CRB1: variants seen among roughly 807,000 people sequenced by gnomAD.
The protein encoded by CRB1 is crumbs cell polarity complex component 1, also known as protein crumbs homolog 1.
CRB1 carries 83 observed loss-of-function variants against 120.0 expected under a neutral mutation model. That is an observed-to-expected ratio of 0.69 (90% CI 0.58 to 0.83). The LOEUF (loss-of-function observed/expected upper bound fraction) is 0.83, where lower values mean the gene tolerates loss of function less well. Among genes scored for constraint, CRB1 ranks in the 40% least tolerant of loss-of-function variants. The pLI, the probability that CRB1 is intolerant of heterozygous loss-of-function variation, is 0.00. For missense variants in CRB1, 1,699 were observed against 1,687.6 expected, an observed-to-expected ratio of 1.01 and a Z score of -0.12; for synonymous variants, 625 against 612.5, an observed-to-expected ratio of 1.02 and a Z score of -0.30.
At chr1:197,298,143 C>CA (rs1656647918) in intron 1 of CRB1, among the ~76,000 whole-genome samples, 1 of 151,898 alleles carries the variant, frequency 6.6e-6, no homozygotes, top group African/African-American at 2.4e-5. Context: ...CTATTTTTAG[C>CA]AAAAATGTGA....
chr1:197,435,263 G>C lies in CRB1; in HGVS notation c.3400G>C (p.Val1134Leu), dbSNP rs1045224692. 3.7e-6 allele frequency: 6 copies of C among 1,613,800 alleles called. No homozygotes were observed. In the African/African-American group the frequency reaches 8.0e-5, roughly 22 times the overall value. The part of the protein sequence containing the change: ...QFLKISTNSV[V>L]TGCLQLNVCN... ...TCTCAAAATCTCTACCAATTCAGTG[G>C]TCACTGGCTGTTTGCAGTTAAATGT... Residue 1134 changes from valine (V) to leucine (L), a missense_variant, in exon 9 of 12, where the codon GTC (valine) becomes CTC (leucine). Transcript: ENST00000367400.
At chr1:197,387,394 G>C (rs1389565286) in intron 5 of CRB1, among the ~76,000 whole-genome samples, 1 of 151,984 alleles carries the variant, frequency 6.6e-6, no homozygotes, top group African/African-American at 2.4e-5. Flanking sequence ...TTGTAGAGAG[G>C]CATGTTTTCC....
chr1:197,370,948 GC>G (rs1285029476), intron 5 of CRB1, among the ~76,000 whole-genome samples: 1 of 152,164 alleles, frequency 6.6e-6, no homozygotes, highest in African/African-American at 2.4e-5. Flanking sequence ...ACACACTTCT[GC>G]CCACTTCTTT....
chr1:197,470,800 C>G (rs182693787), intron 11 of CRB1, among the ~76,000 whole-genome samples: 9 of 152,352 alleles, frequency 5.9e-5, no homozygotes, highest in Admixed American at 5.9e-4. Flanking sequence ...TGGCCCACCA[C>G]TCTACTTCTA....
At chr1:197,408,317 A>G (rs976479125) in intron 5 of CRB1, among the ~76,000 whole-genome samples, 5 of 152,170 alleles carry the variant, frequency 3.3e-5, no homozygotes, top group African/African-American at 1.2e-4. Context: ...GAACTCTGAA[A>G]GAAAGTTGGG....
Position 197,356,777 on chromosome 1 carries a change from C to T in CRB1, c.989-54C>T, listed in dbSNP as rs539902740. The T allele has an allele frequency of 1.7e-5, 26 of 1,574,718 alleles. 1 individual carries two copies. The East Asian group carries it at 2.9e-4, about 18-fold the overall frequency. On this transcript the variant is annotated intron_variant, in intron 4 of 11. Transcript: ENST00000367400. ...CAGTCAACCTCCTTTTAGGCAAATG[C>T]TCTATAATTCAACACCTTTGACTTA... is the stretch of plus-strand genomic sequence containing the variant.
intron 5 of CRB1, among the ~76,000 whole-genome samples, chr1:197,403,730 T>C (rs1353027810): frequency 6.6e-6 from 1 of 152,130 alleles, no homozygotes; most frequent in Non-Finnish European, 1.5e-5. Flanking sequence ...CATCCTAACT[T>C]ACACATAACT....
At chr1:197,268,176 C>T (rs1654704245), upstream of CRB1, 1 of 485,308 alleles carries the variant, frequency 2.1e-6, no homozygotes, top group Admixed American at 3.3e-5. Flanking sequence ...CTGAAAAAAT[C>T]TGCACCAGGT....
chr1:197,354,215 C>T (rs1239348746), intron 4 of CRB1, among the ~76,000 whole-genome samples: 1 of 152,172 alleles, frequency 6.6e-6, no homozygotes, highest in Non-Finnish European at 1.5e-5. Context: ...AATGGTACAA[C>T]TAGAGATGTT....
At chr1:197,324,911 G>T (rs1658408598) in intron 1 of CRB1, among the ~76,000 whole-genome samples, 1 of 152,174 alleles carries the variant, frequency 6.6e-6, no homozygotes, top group African/African-American at 2.4e-5. Context: ...AACGTGTACA[G>T]TAGGAATACA....
intron 1 of CRB1, among the ~76,000 whole-genome samples, chr1:197,316,022 T>A (rs1389732058): frequency 6.6e-6 from 1 of 152,206 alleles, no homozygotes; most frequent in Non-Finnish European, 1.5e-5. Context: ...TTCTACTCAA[T>A]GCATCATTGC....
At chr1:197,392,041 C>T (rs368819750) in intron 5 of CRB1, among the ~76,000 whole-genome samples, 61 of 151,970 alleles carry the variant, frequency 4.0e-4, no homozygotes, top group Admixed American at 1.2e-3. Context: ...CAGCAGAGGG[C>T]TTACAAGGCT....
intron 5 of CRB1, among the ~76,000 whole-genome samples, chr1:197,401,165 A>AC (rs1475248643): frequency 6.6e-6 from 1 of 151,750 alleles, no homozygotes; most frequent in Non-Finnish European, 1.5e-5. Flanking sequence ...CCTTGCTCCT[A>AC]CCTTCTCATT....
At chr1:197,466,909 A>G (rs10922234) in intron 11 of CRB1, among the ~76,000 whole-genome samples, 23,618 of 152,254 alleles carry the variant, frequency 0.16, 2,201 homozygotes, top group Non-Finnish European at 0.2. Context: ...TGAACACCCA[A>G]TGTGTGTCCA....
chr1:197,317,350 G>A (rs976407721), intron 1 of CRB1, among the ~76,000 whole-genome samples: 2 of 152,070 alleles, frequency 1.3e-5, no homozygotes, highest in Admixed American at 6.5e-5. Flanking sequence ...CTCGGGAAGC[G>A]GAGGTTGCAG....
chr1:197,346,840 C>T (rs1484251302), intron 3 of CRB1, among the ~76,000 whole-genome samples: 3 of 152,098 alleles, frequency 2.0e-5, no homozygotes, highest in East Asian at 3.9e-4. Context: ...TTAATAAAGG[C>T]TTTTCCTGAG....
At chr1:197,398,964 C>CTA (rs1163535180) in intron 5 of CRB1, among the ~76,000 whole-genome samples, 1 of 147,184 alleles carries the variant, frequency 6.8e-6, no homozygotes, top group Non-Finnish European at 1.5e-5. Context: ...ATATATGTGA[C>CTA]TATATATATG....
chr1:197,353,962 C>G (rs1660267343), intron 4 of CRB1, among the ~76,000 whole-genome samples: 1 of 148,358 alleles, frequency 6.7e-6, no homozygotes, highest in African/African-American at 2.5e-5. Flanking sequence ...TATAAATACT[C>G]TTACAAATCA....
the CRB1 span, among the ~76,000 whole-genome samples, chr1:197,256,057 C>T: frequency 7.0e-6 from 1 of 142,272 alleles, no homozygotes; most frequent in Non-Finnish European, 1.5e-5. Context: ...TTTCAATCTG[C>T]ACTTATTTCT....
Sources: allele counts gnomAD v4.1 joint callset (sites outside exome capture counted in the v4.1 genomes callset), GRCh38; gene constraint gnomAD v4.1.1; transcripts MANE v1.5; gene names NCBI Gene and HGNC (gene_info 2026-07-23, HGNC 2026-07-21).